The following LSM12 variants were observed in gnomAD, a reference collection of about 807,000 sequenced individuals.
The protein encoded by LSM12 is LSM12 homolog.
For synonymous variants in LSM12, 74 were observed against 87.3 expected (o/e 0.85, Z 0.85); for missense variants, 108 against 238.9 (o/e 0.45, Z 3.61).
intron 2 of LSM12, 128 bp from the exon 3 acceptor site, chr17:44,040,384 G>A (rs190213120): frequency 8.2e-5 from 55 of 667,174 alleles, no homozygotes; most frequent in Non-Finnish European, 1.2e-4. Context: ...TCTCAGAAAT[G>A]AAAAGTGAAA....
intron 2 of LSM12, among the ~76,000 whole-genome samples, chr17:44,044,028 T>C (rs1400257516): frequency 6.6e-6 from 1 of 152,184 alleles, no homozygotes; most frequent in African/African-American, 2.4e-5. Context: ...AAAGCTTGTG[T>C]TGACTAGATA....
chr17:44,046,897 A>AT (rs1213039523), intron 2 of LSM12, among the ~76,000 whole-genome samples: 1 of 149,544 alleles, frequency 6.7e-6, no homozygotes, highest in Non-Finnish European at 1.5e-5. Context: ...CGCCTGGCTA[A>AT]TTTTTTGTAT....
chr17:44,040,297 T>C (rs2049471159), intron 2 of LSM12, 41 bp from the exon 3 acceptor site: 1 of 1,477,366 alleles, frequency 6.8e-7, no homozygotes. Context: ...ATAGGATTCA[T>C]CTTCATTCTT....
chr17:44,046,807 T>C (rs2049575251), intron 2 of LSM12, among the ~76,000 whole-genome samples: 2 of 136,266 alleles, frequency 1.5e-5, no homozygotes, highest in African/African-American at 5.4e-5. Context: ...CTTGGCTCAC[T>C]GCAACCTCCG....
chr17:44,067,224 T>C (rs567614059), upstream of LSM12, among the ~76,000 whole-genome samples: 381 of 152,306 alleles, frequency 2.5e-3, 3 homozygotes, highest in African/African-American at 8.9e-3. Context: ...CTCTTGAACC[T>C]GGAAGGCGGA....
intron 3 of LSM12, among the ~76,000 whole-genome samples, chr17:44,039,365 C>CT (rs35411238): frequency 0.49 from 25,230 of 51,156 alleles, 9,545 homozygotes; most frequent in Non-Finnish European, 0.59. Flanking sequence ...AACAAAATGT[C>CT]TTTTTTTTTT....
chr17:44,040,856 G>A (rs1360335442), intron 2 of LSM12, among the ~76,000 whole-genome samples: 1 of 151,480 alleles, frequency 6.6e-6, no homozygotes, highest in Non-Finnish European at 1.5e-5. Context: ...GTGGTGGCGG[G>A]CTCCTGTAAT....
intron 2 of LSM12, among the ~76,000 whole-genome samples, chr17:44,048,724 C>T (rs1465385741): frequency 6.6e-6 from 1 of 152,144 alleles, no homozygotes; most frequent in Non-Finnish European, 1.5e-5. Flanking sequence ...GAAATCACTG[C>T]ACATGACAAT....
At chr17:44,053,355 T>C (rs1443526046) in intron 2 of LSM12, among the ~76,000 whole-genome samples, 1 of 152,156 alleles carries the variant, frequency 6.6e-6, no homozygotes, top group Non-Finnish European at 1.5e-5. Context: ...CCTAAAAGAT[T>C]TACTATCTGG....
At chr17:44,051,673 G>C (rs1354890017) in intron 2 of LSM12, among the ~76,000 whole-genome samples, 1 of 151,968 alleles carries the variant, frequency 6.6e-6, no homozygotes, top group Non-Finnish European at 1.5e-5. Context: ...AAATAACAAT[G>C]AATCAAAATA....
chr17:44,046,284 A>C (rs2049563032), intron 2 of LSM12, among the ~76,000 whole-genome samples: 1 of 152,166 alleles, frequency 6.6e-6, no homozygotes, highest in Admixed American at 6.5e-5. Context: ...AAAAGTAAAA[A>C]GTCTCTGTGT....
intron 2 of LSM12, among the ~76,000 whole-genome samples, chr17:44,056,700 GAA>G (rs79543508): frequency 7.5e-6 from 1 of 132,764 alleles, no homozygotes. Context: ...TCCAAAAAAA[GAA>G]AAAAAAAAAA....
intron 2 of LSM12, among the ~76,000 whole-genome samples, chr17:44,060,037 C>A (rs1027370663): frequency 1.3e-5 from 2 of 152,034 alleles, no homozygotes; most frequent in Non-Finnish European, 1.5e-5. Context: ...TGGTGGCGGG[C>A]GCCTGTAGTC....
chr17:44,039,484 C>T (rs2049460821), intron 3 of LSM12, among the ~76,000 whole-genome samples: 2 of 149,670 alleles, frequency 1.3e-5, no homozygotes, highest in African/African-American at 4.9e-5. Context: ...CGGGTTCACG[C>T]CATTCTCCTG....
chr17:44,050,231 C>G (rs1041196007), intron 2 of LSM12, among the ~76,000 whole-genome samples: 1 of 151,596 alleles, frequency 6.6e-6, no homozygotes, highest in Admixed American at 6.6e-5. Context: ...TCCCAAGTAG[C>G]TGGGGTTACA....
At chr17:44,051,155 C>T (rs1316837725) in intron 2 of LSM12, among the ~76,000 whole-genome samples, 1 of 151,988 alleles carries the variant, frequency 6.6e-6, no homozygotes, top group Non-Finnish European at 1.5e-5. Flanking sequence ...ACCTGTAATC[C>T]CAGCACTTTG....
intron 2 of LSM12, among the ~76,000 whole-genome samples, chr17:44,056,192 G>T (rs753622246): frequency 6.6e-6 from 1 of 151,964 alleles, no homozygotes; most frequent in Non-Finnish European, 1.5e-5. Flanking sequence ...AGAATTGGGA[G>T]GCTGAGGTAG....
chr17:44,062,963 C>G (rs1188799639), intron 2 of LSM12, among the ~76,000 whole-genome samples: 6 of 151,806 alleles, frequency 4.0e-5, no homozygotes, highest in Admixed American at 3.9e-4. Flanking sequence ...CCAACTACTC[C>G]AGAGGCTGAG....
At chr17:44,055,268 C>G (rs1222351425) in intron 2 of LSM12, among the ~76,000 whole-genome samples, 2 of 152,148 alleles carry the variant, frequency 1.3e-5, no homozygotes, top group African/African-American at 4.8e-5. Flanking sequence ...CATTCACATA[C>G]CTTCTTACTT....
Sources: gnomAD v4.1 joint callset for allele counts (sites outside exome capture counted in the v4.1 genomes callset) on GRCh38, gnomAD v4.1.1 for gene constraint, MANE v1.5 for transcripts, NCBI Gene and HGNC (gene_info 2026-07-23, HGNC 2026-07-21) for gene names.